Variants in ADGRL1 observed in about 807,000 individuals in gnomAD.
The protein encoded by ADGRL1 is CIRL-1.
Under a neutral mutation model 148.9 loss-of-function variants are expected in ADGRL1, and 31 were observed. That is an observed-to-expected ratio of 0.21 (90% CI 0.16 to 0.28). The LOEUF is 0.28. Ranked by LOEUF, ADGRL1 falls within the 10% of genes least tolerant of loss-of-function variation. The pLI is 1.00. For missense variants in ADGRL1, 1,521 were observed against 2,058.8 expected, an observed-to-expected ratio of 0.74 and a Z score of 5.05; for synonymous variants, 937 against 900.3, an observed-to-expected ratio of 1.04 and a Z score of -0.73.
intron 4 of ADGRL1, chr19:14,170,433 T>G: frequency 2.4e-6 from 1 of 418,088 alleles, no homozygotes; most frequent in Non-Finnish European, 4.4e-6. Context: ...GTGAGTGGGC[T>G]GGGGTAAGGA....
At position 14,183,504 on chromosome 19, in the gene ADGRL1, G is replaced by A. The variant is rs777088386; in HGVS notation, c.70+29C>T. On this transcript the variant is annotated intron_variant, in intron 2 of 22. Transcript: ENST00000361434. ...CCCCCCAGAAGGGTTTGGGAGCCGC[G>A]GCCCCTCCCCGGCCCCAGCAGCACC... 12 of 1,551,194 alleles carry A rather than the reference G, an allele frequency of 7.7e-6. No individual in the cohort carries two copies. In the Admixed American group the frequency reaches 1.4e-4, roughly 18 times the overall value.
Position 14,159,313 on chromosome 19 carries a change from G to A in ADGRL1, c.2023+88C>T. 2 of 1,574,416 alleles carry A rather than the reference G, an allele frequency of 1.3e-6. No individual in the cohort carries two copies. The highest frequency in any genetic ancestry group is 3.5e-5 in the Admixed American group (2 of 57,600). On this transcript the variant is annotated intron_variant, in intron 10 of 22. Transcript: ENST00000361434. This position sits in a 1 kb window ranked among gnomAD's most constrained non-coding sequence, Gnocchi z 6.0. ...CGAGACTCTGGCAAGATGCCCAAGG[G>A]TCGGATAGCCCCCCTGTGGCCTCCA...
At chr19:14,193,962 T>C (rs1972104826) in intron 1 of ADGRL1, among the ~76,000 whole-genome samples, 1 of 152,042 alleles carries the variant, frequency 6.6e-6, no homozygotes, top group African/African-American at 2.4e-5. Flanking sequence ...AATTCTGTTG[T>C]TGGCTGCAGT....
Position 14,156,123 on chromosome 19 carries a change from G to T in ADGRL1, c.3112C>A (p.Leu1038Met). 6.2e-7 allele frequency: 1 copy of T among 1,611,968 alleles called. No individual in the cohort carries two copies. The highest frequency in any genetic ancestry group is 8.5e-7 in the Non-Finnish European group (1 of 1,179,586). Residue 1038 changes from leucine (L) to methionine (M), a missense_variant, in exon 17 of 23, where the codon CTG becomes ATG. Coordinates refer to ENST00000361434, the MANE Select transcript of ADGRL1 (RefSeq NM_014921.5). ...GGCGAGGCTCACTTAATGTTGTCCA[G>T]GCGGCTGGAGTCGGGCTTGAGCACA... Reference protein sequence around the residue: ...SSVLKPDSSRLDNIKSWALGA... With the variant: ...SSVLKPDSSRMDNIKSWALGA...
intron 2 of ADGRL1, among the ~76,000 whole-genome samples, chr19:14,178,002 A>G (rs566174727): frequency 6.6e-6 from 1 of 152,262 alleles, no homozygotes; most frequent in African/African-American, 2.4e-5. Context: ...TCTGCTTGAT[A>G]AGAGTGACTG....
intron 16 of ADGRL1, 91 bp downstream of exon 16, chr19:14,156,567 G>GTT: frequency 1.2e-6 from 1 of 803,002 alleles, no homozygotes. Flanking sequence ...GTGTGTGTGT[G>GTT]GGGGGGGTGG....
Position 14,160,572 on chromosome 19 carries a change from G to C in ADGRL1, c.1614+21C>G. On this transcript the variant is annotated intron_variant, in intron 7 of 22. Transcript: ENST00000361434. The surrounding 1 kb of genome is among the most constrained non-coding windows in gnomAD (Gnocchi z 5.9). ...TGGGCCCGAGCACATGTGCCTGCCT[G>C]CGAGGGGTGGTGGCTGGTACCTTCT... The C allele has an allele frequency of 6.4e-7, 1 of 1,555,806 alleles. No homozygotes were observed. Among genetic ancestry groups the C allele is most frequent in the Non-Finnish European group, 8.7e-7 (1 of 1,143,126 alleles).
Position 14,183,521 on chromosome 19 carries a change from A to T in ADGRL1, c.70+12T>A, listed in dbSNP as rs767064847. 1.8e-5 allele frequency: 28 copies of T among 1,565,038 alleles called. No individual in the cohort carries two copies. Among genetic ancestry groups the T allele is most frequent in the Non-Finnish European group, 2.3e-5 (27 of 1,154,410 alleles). ...GGAGCCGCGGCCCCTCCCCGGCCCC[A>T]GCAGCACCTACCTTGGGTGGCCGAG... On this transcript the variant is annotated intron_variant, in intron 2 of 22. Transcript: ENST00000361434.
At chr19:14,184,419 T>C (rs1239621553) in intron 1 of ADGRL1, among the ~76,000 whole-genome samples, 1 of 151,326 alleles carries the variant, frequency 6.6e-6, no homozygotes, top group Non-Finnish European at 1.5e-5. Flanking sequence ...GCTCAGTTTT[T>C]TTTTTCATTA....
chr19:14,151,798 C>T (rs1438473638), intron 22 of ADGRL1, among the ~76,000 whole-genome samples, 183 bp from the exon 23 acceptor site: 4 of 152,166 alleles, frequency 2.6e-5, no homozygotes, highest in Non-Finnish European at 5.9e-5. Context: ...CTAGACACAC[C>T]AGCCCAGCAG....
At chr19:14,154,932 G>A (rs1160655178) in intron 18 of ADGRL1, among the ~76,000 whole-genome samples, 2 of 152,062 alleles carry the variant, frequency 1.3e-5, no homozygotes, top group African/African-American at 4.8e-5. Flanking sequence ...GTTTTTTTAA[G>A]ATTCAGATTT....
intron 12 of ADGRL1, 71 bp downstream of exon 12, chr19:14,158,267 G>A (rs1156570826): frequency 4.1e-6 from 6 of 1,478,604 alleles, no homozygotes; most frequent in South Asian, 1.1e-5. Context: ...CACATGGAGG[G>A]GCAGGTACAC....
Position 14,163,497 on chromosome 19 carries a change from AGG to A in ADGRL1, c.395-93_395-92del, listed in dbSNP as rs879509404. 815 of 720,474 alleles carry A rather than the reference AGG, an allele frequency of 1.1e-3. 3 individuals carry two copies. The highest frequency in any genetic ancestry group is 1.3e-3 in the Non-Finnish European group (621 of 496,246). 44.6% of individuals were successfully genotyped at this position (720,474 alleles called of 1,614,324 possible). ...GAGAGAGAGAGAGAGAGAGAGAGAGAGGGGGGAGAGAGGCAAGTTGGTCACGC... is the reference window on the plus strand; with the variant it reads ...GAGAGAGAGAGAGAGAGAGAGAGAGAGGGGAGAGAGGCAAGTTGGTCACGC... On this transcript the variant is annotated intron_variant, in intron 4 of 22. Transcript: ENST00000361434.
chr19:14,155,165 C>G lies in ADGRL1; in HGVS notation c.3294+194G>C. The G allele has an allele frequency of 1.9e-6, 1 of 521,086 alleles. No homozygotes were observed. The highest frequency in any genetic ancestry group is 3.4e-5 in the East Asian group (1 of 29,574). 32.3% of individuals were successfully genotyped at this position (521,086 alleles called of 1,614,324 possible). On this transcript the variant is annotated intron_variant, in intron 18 of 22. Coordinates refer to ENST00000361434, the MANE Select transcript of ADGRL1 (RefSeq NM_014921.5). The surrounding 1 kb of genome is among the most constrained non-coding windows in gnomAD (Gnocchi z 5.0). Reference sequence around the variant, plus strand: ...CTTGTTTTCCAGAACCCTCTTCACCCGTGGTTAAACCCTCCCTAACCCTGA... The same window carrying G: ...CTTGTTTTCCAGAACCCTCTTCACCGGTGGTTAAACCCTCCCTAACCCTGA...
chr19:14,191,771 T>C (rs775327170), intron 1 of ADGRL1, among the ~76,000 whole-genome samples: 19 of 151,746 alleles, frequency 1.3e-4, no homozygotes, highest in Non-Finnish European at 2.7e-4. Flanking sequence ...TCCCGGCTCA[T>C]TGCAGTCTCA....
At position 14,166,921 on chromosome 19, in the gene ADGRL1, G is replaced by T. The variant is rs1480815278; in HGVS notation, c.395-3515C>A. 13 of 1,290,182 alleles carry T rather than the reference G, an allele frequency of 1.0e-5. No homozygotes were observed. In the East Asian group the frequency reaches 2.8e-4, roughly 28 times the overall value. The allele number at this position is 1,290,182 out of a possible 1,614,324, so 79.9% of individuals were successfully genotyped here. A position where few individuals can be genotyped will look rare whatever the true frequency, so the allele number is the denominator to read the frequency against. ...GACCGGACCAAGTGTGGGTTGGGGA[G>T]AGAAGAAGGGGCCGGGGGAGGGCAG... is the stretch of plus-strand genomic sequence containing the variant. On this transcript the variant is annotated intron_variant, in intron 4 of 22. Transcript: ENST00000361434.
intron 2 of ADGRL1, among the ~76,000 whole-genome samples, chr19:14,178,847 G>A (rs997794676): frequency 1.3e-5 from 2 of 152,096 alleles, no homozygotes; most frequent in African/African-American, 2.4e-5. Flanking sequence ...TGTACAGGGG[G>A]AAGACAATGT....
chr19:14,152,288 A>G lies in ADGRL1; in HGVS notation c.3649+21T>C. On this transcript the variant is annotated intron_variant, in intron 21 of 22. Transcript: ENST00000361434. This position sits in a 1 kb window ranked among gnomAD's most constrained non-coding sequence, Gnocchi z 6.1. ...CAAACCCTCCATTTCCCAACCTGGG[A>G]TGTTTCCCCCGTGCTCTCACCTGGG... 1 of 1,605,894 alleles carries G rather than the reference A, an allele frequency of 6.2e-7. No homozygotes were observed. The highest frequency in any genetic ancestry group is 8.5e-7 in the Non-Finnish European group (1 of 1,174,686).
chr19:14,160,076 T>A lies in ADGRL1; in HGVS notation c.1800+36A>T. The A allele has an allele frequency of 1.3e-6, 2 of 1,537,592 alleles. No individual in the cohort carries two copies. Among genetic ancestry groups the A allele is most frequent in the Non-Finnish European group, 1.8e-6 (2 of 1,137,512 alleles). On this transcript the variant is annotated intron_variant, in intron 8 of 22. Transcript: ENST00000361434. This position sits in a 1 kb window ranked among gnomAD's most constrained non-coding sequence, Gnocchi z 5.9. Reference sequence around the variant, plus strand: ...CCCAAGCCCCTGGGGGCAGGCGCCCTCCCCATACCAGGTCAGCGCCACCGC... The same window carrying A: ...CCCAAGCCCCTGGGGGCAGGCGCCCACCCCATACCAGGTCAGCGCCACCGC...
Sources: gnomAD v4.1 joint callset for allele counts (sites outside exome capture counted in the v4.1 genomes callset) on GRCh38, gnomAD v4.1.1 for gene constraint, Gnocchi (gnomAD v3.1) non-coding constraint, MANE v1.5 for transcripts, NCBI Gene and HGNC (gene_info 2026-07-23, HGNC 2026-07-21) for gene names.